ADAMTSL1: variants seen among roughly 807,000 people sequenced by gnomAD.
ADAMTSL1 encodes ADAMTS-like protein 1.
In ADAMTSL1, 126 loss-of-function variants were observed where a neutral mutation model predicts 201.8. That is an observed-to-expected ratio of 0.62 (90% CI 0.54 to 0.72). The LOEUF (loss-of-function observed/expected upper bound fraction) is 0.72. Among genes scored for constraint, ADAMTSL1 ranks in the 30% least tolerant of loss-of-function variants. The pLI, the probability that ADAMTSL1 is intolerant of heterozygous loss-of-function variation, is 0.00. For synonymous variants in ADAMTSL1, 1,121 were observed against 903.4 expected (o/e 1.24, Z -4.32); for missense variants, 2,679 against 2,277.8 (o/e 1.18, Z -3.59).
intron 14 of ADAMTSL1, among the ~76,000 whole-genome samples, chr9:18,719,727 G>T (rs1206243702): frequency 6.6e-6 from 1 of 152,090 alleles, no homozygotes; most frequent in Non-Finnish European, 1.5e-5. Flanking sequence ...AGGTGATTTG[G>T]ACTCCAGCTG....
intron 21 of ADAMTSL1, among the ~76,000 whole-genome samples, chr9:18,819,763 T>G (rs1182316798): frequency 1.3e-5 from 2 of 152,232 alleles, no homozygotes; most frequent in Non-Finnish European, 2.9e-5. Flanking sequence ...ACTAAAATAA[T>G]TATTTGTATA....
At chr9:18,696,716 A>G (rs1001419558) in intron 13 of ADAMTSL1, among the ~76,000 whole-genome samples, 2 of 152,108 alleles carry the variant, frequency 1.3e-5, no homozygotes, top group African/African-American at 4.8e-5. Context: ...TCCTGACAAT[A>G]CCATTTACTC....
intron 2 of ADAMTSL1, among the ~76,000 whole-genome samples, chr9:18,316,075 G>A (rs2132825205): frequency 6.6e-6 from 1 of 152,310 alleles, no homozygotes; most frequent in South Asian, 2.1e-4. Context: ...CCCACAAGCT[G>A]CAAAAACCAG....
rs28709272 is a variant in ADAMTSL1, at chr9:18,721,423, C to T, written c.1877-113C>T. On this transcript the variant is annotated intron_variant, in intron 14 of 28. Coordinates refer to ENST00000380548, the MANE Select transcript of ADAMTSL1 (RefSeq NM_001040272.6). ...TTAAACTGCCATCTCTGACATACAG[C>T]GAGAGTCCTACAGAACACAGGGACC... 2.5e-3 allele frequency: 3,615 copies of T among 1,422,766 alleles called. 57 individuals are homozygous for T. The African/African-American group carries it at 0.042, about 16-fold the overall frequency. 88.1% of individuals were successfully genotyped at this position (1,422,766 alleles called of 1,614,324 possible). A position where few individuals can be genotyped will look rare whatever the true frequency, so the allele number is the denominator to read the frequency against.
chr9:18,659,584 G>A (rs1357316760), intron 8 of ADAMTSL1, among the ~76,000 whole-genome samples: 1 of 152,192 alleles, frequency 6.6e-6, no homozygotes, highest in Non-Finnish European at 1.5e-5. Flanking sequence ...GGCCAACATG[G>A]TGAAATCCCC....
intron 15 of ADAMTSL1, among the ~76,000 whole-genome samples, chr9:18,725,688 A>C (rs1314187145): frequency 6.6e-6 from 1 of 152,176 alleles, no homozygotes; most frequent in Non-Finnish European, 1.5e-5. Flanking sequence ...AGCAGAATAA[A>C]AAAAAAAGAA....
intron 1 of ADAMTSL1, among the ~76,000 whole-genome samples, chr9:18,007,637 T>A (rs1004018090): frequency 8.6e-5 from 13 of 151,986 alleles, no homozygotes; most frequent in Admixed American, 6.6e-4. Flanking sequence ...ATGTAATCAC[T>A]GCACTGGAGC....
chr9:18,398,423 C>A (rs1187663093), intron 2 of ADAMTSL1, among the ~76,000 whole-genome samples: 2 of 152,138 alleles, frequency 1.3e-5, no homozygotes, highest in Non-Finnish European at 2.9e-5. Context: ...CAGAGTTTTT[C>A]ACTCTGGATC....
chr9:18,592,154 G>A (rs552521788), intron 4 of ADAMTSL1, among the ~76,000 whole-genome samples: 181 of 152,258 alleles, frequency 1.2e-3, no homozygotes, highest in African/African-American at 4.2e-3. Flanking sequence ...CAGATTGGCA[G>A]CAAAACACCA....
intron 2 of ADAMTSL1, among the ~76,000 whole-genome samples, chr9:18,506,345 G>A (rs1206375295): frequency 6.6e-6 from 1 of 152,158 alleles, no homozygotes; most frequent in Admixed American, 6.5e-5. Context: ...TATAAATTTA[G>A]AATGTTCCTG....
intron 1 of ADAMTSL1, among the ~76,000 whole-genome samples, chr9:18,086,390 A>G (rs749136495): frequency 8.5e-5 from 13 of 152,182 alleles, no homozygotes; most frequent in African/African-American, 1.2e-4. Flanking sequence ...TGCTTGGTAC[A>G]GATAATTTAG....
At chr9:18,023,554 T>G (rs1392016704) in intron 1 of ADAMTSL1, among the ~76,000 whole-genome samples, 1 of 152,172 alleles carries the variant, frequency 6.6e-6, no homozygotes, top group Non-Finnish European at 1.5e-5. Context: ...GTCTGACTCA[T>G]TAACACTGAA....
intron 2 of ADAMTSL1, among the ~76,000 whole-genome samples, chr9:18,178,931 A>AG (rs1167214287): frequency 3.3e-5 from 5 of 152,004 alleles, no homozygotes; most frequent in African/African-American, 1.2e-4. Context: ...TGGGGAAAAA[A>AG]CAGAGCAGAA....
intron 2 of ADAMTSL1, among the ~76,000 whole-genome samples, chr9:18,357,515 C>G (rs1836305649): frequency 6.6e-6 from 1 of 152,098 alleles, no homozygotes; most frequent in Non-Finnish European, 1.5e-5. Context: ...TCCTAGGGTT[C>G]TTTGGTGAGT....
intron 1 of ADAMTSL1, among the ~76,000 whole-genome samples, chr9:18,150,964 A>G (rs150717555): frequency 3.8e-4 from 58 of 151,998 alleles, no homozygotes; most frequent in African/African-American, 1.3e-3. Context: ...GGAGGGGGCT[A>G]GTAGAAATGG....
intron 2 of ADAMTSL1, among the ~76,000 whole-genome samples, chr9:18,384,538 T>C (rs1837705339): frequency 6.6e-6 from 1 of 152,164 alleles, no homozygotes; most frequent in Non-Finnish European, 1.5e-5. Flanking sequence ...CTAAGAAGTC[T>C]TATTTGAAGA....
At chr9:18,407,002 A>G (rs187332598) in intron 2 of ADAMTSL1, among the ~76,000 whole-genome samples, 4 of 152,250 alleles carry the variant, frequency 2.6e-5, no homozygotes, top group East Asian at 1.9e-4. Context: ...TCCAACAAAC[A>G]TTTATTGAGT....
At chr9:18,354,895 T>C (rs952912815) in intron 2 of ADAMTSL1, among the ~76,000 whole-genome samples, 10 of 152,108 alleles carry the variant, frequency 6.6e-5, no homozygotes, top group African/African-American at 2.2e-4. Context: ...TGCTTGGACC[T>C]GGGAAGCAGA....
intron 7 of ADAMTSL1, among the ~76,000 whole-genome samples, chr9:18,641,006 C>T (rs938292067): frequency 1.3e-5 from 2 of 152,022 alleles, no homozygotes; most frequent in Non-Finnish European, 2.9e-5. Context: ...GTATCTGCTA[C>T]TCTGGTTTAG....
Sources: gnomAD v4.1 joint callset for allele counts (sites outside exome capture counted in the v4.1 genomes callset) on GRCh38, gnomAD v4.1.1 for gene constraint, MANE v1.5 for transcripts, NCBI Gene and HGNC (gene_info 2026-07-23, HGNC 2026-07-21) for gene names.